The following TRIM34 variants were observed in gnomAD, a reference collection of about 807,000 sequenced individuals.
TRIM34 encodes tripartite motif containing 34, also known as E3 ubiquitin-protein ligase TRIM34.
TRIM34 carries 41 observed loss-of-function variants against 38.1 expected under a neutral mutation model. The ratio of observed to expected loss-of-function variants is 1.08; its 90% CI spans 0.84 to 1.40. TRIM34 has a LOEUF of 1.40. Ranked by LOEUF, TRIM34 falls within the 40% of genes most tolerant of loss-of-function variation. The pLI is 0.00. For synonymous variants in TRIM34, 200 were observed against 202.5 expected (o/e 0.99, Z 0.10); for missense variants, 556 against 571.4 (o/e 0.97, Z 0.27).
chr11:5,643,051 G>C (rs1268737604), intron 7 of TRIM34, 93 bp from the exon 8 acceptor site: 14 of 1,296,780 alleles, frequency 1.1e-5, no homozygotes, highest in Non-Finnish European at 1.1e-5. Context: ...CATGTCACTA[G>C]ATAAACCTAC....
At chr11:5,641,348 T>C (rs995554621) in intron 5 of TRIM34, 159 bp downstream of exon 5, 20 of 1,478,232 alleles carry the variant, frequency 1.4e-5, no homozygotes, top group Non-Finnish European at 1.8e-5. Flanking sequence ...AGTATTTGAG[T>C]GTTCCGTAAC....
upstream of TRIM34, among the ~76,000 whole-genome samples, chr11:5,621,627 T>C (rs567495662): frequency 2.6e-5 from 4 of 152,136 alleles, no homozygotes; most frequent in Non-Finnish European, 5.9e-5. Context: ...GAAAGGAAAA[T>C]AAATCTTGGA....
chr11:5,634,349 G>A (rs769470661), intron 3 of TRIM34, among the ~76,000 whole-genome samples: 16 of 151,704 alleles, frequency 1.1e-4, no homozygotes, highest in Admixed American at 3.3e-4. Context: ...CATTGTTTTG[G>A]TAGGTACTGA....
chr11:5,621,406 G>T (rs956281938), upstream of TRIM34, among the ~76,000 whole-genome samples: 3 of 152,150 alleles, frequency 2.0e-5, no homozygotes, highest in African/African-American at 7.2e-5. Flanking sequence ...GCCAACTCTT[G>T]TTAGCCACTC....
upstream of TRIM34, among the ~76,000 whole-genome samples, chr11:5,622,149 A>C (rs775189058): frequency 2.0e-5 from 3 of 152,184 alleles, no homozygotes; most frequent in Admixed American, 1.3e-4. Flanking sequence ...GAGTTTTTTA[A>C]AAAGGAAAAA....
rs756609869 is a variant in TRIM34, at chr11:5,643,213, T to C, written c.971T>C (p.Ile324Thr). 6.2e-6 allele frequency: 10 copies of C among 1,613,302 alleles called. No homozygotes were observed. Among genetic ancestry groups the C allele is most frequent in the South Asian group, 1.1e-5 (1 of 90,912 alleles). ...CTTTCAGAAGATCAGAGACAAGTGA[T>C]ATCTGTGCCAATTTGGCCTTTTCAG... ...LVLSEDQRQV[I>T]SVPIWPFQCY... is the part of the protein sequence containing the mutation. Residue 324 changes from isoleucine to threonine, a missense_variant, in exon 8 of 8, where the codon ATA (isoleucine) becomes ACA (threonine). Ile to Thr is a moderately conservative substitution (Grantham distance 89). Coordinates refer to ENST00000429814, the MANE Select transcript of TRIM34 (RefSeq NM_021616.6).
chr11:5,624,035 C>T (rs1308929405), upstream of TRIM34, among the ~76,000 whole-genome samples: 1 of 152,118 alleles, frequency 6.6e-6, no homozygotes, highest in Admixed American at 6.5e-5. Context: ...TTTGTGGAGG[C>T]ACAATGTGGG....
upstream of TRIM34, among the ~76,000 whole-genome samples, chr11:5,620,863 G>C (rs1357454587): frequency 2.0e-5 from 3 of 152,224 alleles, no homozygotes; most frequent in Non-Finnish European, 4.4e-5. Flanking sequence ...CTGCTGTGCA[G>C]TGTTCACATA....
intron 1 of TRIM34, among the ~76,000 whole-genome samples, chr11:5,626,084 C>T (rs1849210128): frequency 2.0e-5 from 3 of 152,216 alleles, no homozygotes; most frequent in African/African-American, 4.8e-5. Context: ...TTCACTGTAA[C>T]TGCCATCCTG....
intron 4 of TRIM34, 81 bp downstream of exon 4, chr11:5,634,942 TA>T: frequency 6.8e-7 from 1 of 1,478,982 alleles, no homozygotes; most frequent in South Asian, 1.3e-5. Flanking sequence ...GTGGTGACAC[TA>T]AGGGGTTTCT....
chr11:5,628,506 T>C (rs1849339118), intron 1 of TRIM34, among the ~76,000 whole-genome samples: 1 of 152,204 alleles, frequency 6.6e-6, no homozygotes, highest in Non-Finnish European at 1.5e-5. Context: ...GCCAGTCAAC[T>C]TTCAGCTTTT....
In TRIM34 at chr11:5,632,781, G is replaced by T. The variant is rs755091529; in HGVS notation, c.423+27G>T. 21 of 1,544,664 alleles carry T rather than the reference G, an allele frequency of 1.4e-5. No homozygotes were observed. In the Admixed American group the frequency reaches 4.0e-4, roughly 30 times the overall value. Reference sequence around the variant, plus strand: ...TAGGGCCCTAGATGGAGGGAGATGGGGCAGAAGATGGTAGTTGGTGGAAAA... The same window carrying T: ...TAGGGCCCTAGATGGAGGGAGATGGTGCAGAAGATGGTAGTTGGTGGAAAA... On this transcript the variant is annotated intron_variant, in intron 2 of 7. Coordinates refer to ENST00000429814, the MANE Select transcript of TRIM34 (RefSeq NM_021616.6).
chr11:5,633,882 G>A lies in TRIM34; in HGVS notation c.502G>A (p.Glu168Lys), dbSNP rs747757968. The A allele has an allele frequency of 1.9e-6, 3 of 1,613,938 alleles. No individual in the cohort carries two copies. The change falls in exon 3 of 8, where the codon GAG (glutamate) becomes AAG (lysine). Residue 168 changes from glutamate (E) to lysine (K), a missense_variant. Glu to Lys is a moderately conservative substitution (Grantham distance 56, BLOSUM62 1). Coordinates refer to ENST00000429814, the MANE Select transcript of TRIM34 (RefSeq NM_021616.6). The part of the protein sequence containing the change: ...AEKLEADIRE[E>K]KTSWKYQVQT... ...GAAGCTGGAAGCTGACATCAGAGAA[G>A]AGAAAACTTCCTGGAAGGCAAGAGG...
At chr11:5,620,135 G>A (rs984379565), upstream of TRIM34, 1 of 128,798 alleles carries the variant, frequency 7.8e-6, no homozygotes, top group East Asian at 2.3e-4. Context: ...TTGATTTTTA[G>A]TTGGTTTAGC....
upstream of TRIM34, among the ~76,000 whole-genome samples, chr11:5,620,175 T>G (rs1269459417): frequency 8.8e-6 from 1 of 113,684 alleles, no homozygotes; most frequent in Non-Finnish European, 1.9e-5. Context: ...TTCTTTTTTT[T>G]TTTTTTTTTT....
chr11:5,634,874 G>A lies in TRIM34; in HGVS notation c.750+13G>A, dbSNP rs117087264. ...GGAGCTGCTGCAGGTAAGAAGGTTC[G>A]CTCAATCTGAGATTCTGGGAACACA... On this transcript the variant is annotated intron_variant, in intron 4 of 7. Coordinates refer to ENST00000429814, the MANE Select transcript of TRIM34 (RefSeq NM_021616.6). The A allele has an allele frequency of 0.018, 28,463 of 1,607,370 alleles. 293 individuals carry two copies. The highest frequency in any genetic ancestry group is 0.02 in the Non-Finnish European group (24,084 of 1,175,998).
intron 2 of TRIM34, 68 bp downstream of exon 2, chr11:5,632,822 CTTTTTTTTTTT>C (rs878895848): frequency 7.1e-6 from 7 of 982,934 alleles, no homozygotes; most frequent in South Asian, 4.2e-5. Context: ...CCTTTTCATC[CTTTTTTTTTTT>C]TTTTTTTTTT....
rs1850129554 is a variant in TRIM34, at chr11:5,643,800, G to C, written c.*91G>C. 11 of 1,486,490 alleles carry C rather than the reference G, an allele frequency of 7.4e-6. No individual in the cohort carries two copies. Among genetic ancestry groups the C allele is most frequent in the Admixed American group, 2.3e-5 (1 of 43,304 alleles). The allele number at this position is 1,486,490 out of a possible 1,614,324, so 92.1% of individuals were successfully genotyped here. On this transcript the variant is annotated 3_prime_UTR_variant, in exon 8 of 8. Transcript: ENST00000429814. ...ACATTCACACCATTGCTTCCTTGTG[G>C]TTTCCCTTCTTTAGAACTTTTACTC...
rs1198458360 is a variant in TRIM34, at chr11:5,632,537, A to G, written c.206A>G (p.Gln69Arg). ...CGISYSFEHL[Q>R]ANQHLANIVE... ...ATCAGTTACTCATTTGAACATCTAC[A>G]GGCTAATCAGCATCTGGCCAACATA... The change falls in exon 2 of 8, where the codon CAG becomes CGG. Residue 69 changes from glutamine (Q) to arginine (R), a missense_variant. Coordinates refer to ENST00000429814, the MANE Select transcript of TRIM34 (RefSeq NM_021616.6). 1 of 1,613,996 alleles carries G rather than the reference A, an allele frequency of 6.2e-7. No homozygotes were observed. Among genetic ancestry groups the G allele is most frequent in the Non-Finnish European group, 8.5e-7 (1 of 1,180,002 alleles).
Sources: gnomAD v4.1 joint callset for allele counts (sites outside exome capture counted in the v4.1 genomes callset) on GRCh38, gnomAD v4.1.1 for gene constraint, MANE v1.5 for transcripts, NCBI Gene and HGNC (gene_info 2026-07-23, HGNC 2026-07-21) for gene names.